PCDH9: variants seen among roughly 807,000 people sequenced by gnomAD.
PCDH9 encodes the protein protocadherin-9.
A neutral mutation model predicts 70.6 loss-of-function variants in PCDH9; 24 were observed. That is an observed-to-expected ratio of 0.34 (90% CI 0.25 to 0.48). PCDH9 has a LOEUF of 0.48. Ranked by LOEUF, PCDH9 falls within the 20% of genes least tolerant of loss-of-function variation. The pLI, the probability that PCDH9 is intolerant of heterozygous loss-of-function variation, is 0.99. For synonymous variants in PCDH9, 562 were observed against 558.5 expected, an observed-to-expected ratio of 1.01 and a Z score of -0.09; for missense variants, 1,281 against 1,503.6, an observed-to-expected ratio of 0.85 and a Z score of 2.45.
chr13:67,035,080 G>C (rs986909174), intron 2 of PCDH9, among the ~76,000 whole-genome samples: 2 of 152,074 alleles, frequency 1.3e-5, no homozygotes, highest in African/African-American at 4.8e-5. Flanking sequence ...GGATTCAATT[G>C]TTATCAAATG....
intron 4 of PCDH9, among the ~76,000 whole-genome samples, chr13:66,308,897 T>TA (rs1955516363): frequency 6.6e-6 from 1 of 151,790 alleles, no homozygotes; most frequent in East Asian, 1.9e-4. Flanking sequence ...CAGCAAAAAA[T>TA]AAAAACAAAA....
chr13:66,444,455 G>A (rs1349594939), intron 4 of PCDH9, among the ~76,000 whole-genome samples: 2 of 152,052 alleles, frequency 1.3e-5, no homozygotes, highest in Non-Finnish European at 1.5e-5. Flanking sequence ...AAGCTTCCAT[G>A]AGGACAAAAA....
chr13:67,163,821 C>G (rs1271135588), intron 2 of PCDH9, among the ~76,000 whole-genome samples: 3 of 152,072 alleles, frequency 2.0e-5, no homozygotes, highest in Admixed American at 6.6e-5. Flanking sequence ...ATCAGGAAAA[C>G]TAACTGTCAA....
chr13:66,923,201 GAATT>G (rs1249223565), intron 2 of PCDH9, among the ~76,000 whole-genome samples: 1 of 151,352 alleles, frequency 6.6e-6, no homozygotes, highest in Admixed American at 6.6e-5. Flanking sequence ...AATTTTCACA[GAATT>G]AATTTATAAA....
chr13:67,051,547 C>A (rs1421161507), intron 2 of PCDH9, among the ~76,000 whole-genome samples: 1 of 151,754 alleles, frequency 6.6e-6, no homozygotes, highest in East Asian at 1.9e-4. Context: ...TGCGTGCCAC[C>A]ACGCCCAGCT....
At chr13:67,043,463 TC>T (rs1447875966) in intron 2 of PCDH9, among the ~76,000 whole-genome samples, 12 of 152,166 alleles carry the variant, frequency 7.9e-5, no homozygotes, top group South Asian at 2.1e-4. Flanking sequence ...AAAGTTTCTT[TC>T]TCTGTGACAA....
intron 3 of PCDH9, among the ~76,000 whole-genome samples, chr13:66,656,590 A>G (rs1221726015): frequency 6.6e-6 from 1 of 151,854 alleles, no homozygotes; most frequent in African/African-American, 2.4e-5. Flanking sequence ...GCACATATTT[A>G]AAGGTACACA....
At chr13:66,499,146 A>G (rs1255478176) in intron 4 of PCDH9, among the ~76,000 whole-genome samples, 1 of 152,088 alleles carries the variant, frequency 6.6e-6, no homozygotes, top group Non-Finnish European at 1.5e-5. Flanking sequence ...TACCCTATGT[A>G]TTTTCAGCTA....
rs143044642 is a variant in PCDH9, at chr13:66,507,698, T to TTTTGTTTG, written c.3340+123504_3340+123511dup. 1.6e-3 allele frequency among the ~76,000 whole-genome samples: 235 copies of TTTTGTTTG among 149,566 alleles called. 4 individuals carry two copies. In the East Asian group the frequency reaches 0.033, roughly 21 times the overall value. ...ACCCCTACCTTGCATTTCCTTTCTT[T>TTTTGTTTG]TTTGTTTGTTTGTTTGTTTGTTTGT... On this transcript the variant is annotated intron_variant, in intron 4 of 4. Coordinates refer to ENST00000377865, the MANE Select transcript of PCDH9 (RefSeq NM_203487.3).
chr13:67,214,935 G>GATATATACATAT (rs2089556929), intron 2 of PCDH9: 1 of 89,248 alleles, frequency 1.1e-5, no homozygotes, highest in African/African-American at 4.5e-5. Flanking sequence ...TTGCGAGCCA[G>GATATATACATAT]ATATATATAT....
At chr13:66,359,594 G>A (rs918644591) in intron 4 of PCDH9, among the ~76,000 whole-genome samples, 2 of 151,960 alleles carry the variant, frequency 1.3e-5, no homozygotes. Context: ...CCATCCTGTC[G>A]GCACAGAAAC....
chr13:66,333,108 C>CCCA (rs773641683), intron 4 of PCDH9, among the ~76,000 whole-genome samples: 62 of 152,124 alleles, frequency 4.1e-4, no homozygotes, highest in Non-Finnish European at 5.3e-4. Context: ...GCAAGGAAGA[C>CCCA]TTTCTTACTA....
intron 4 of PCDH9, among the ~76,000 whole-genome samples, chr13:66,358,913 C>G (rs1035377373): frequency 6.6e-6 from 1 of 151,888 alleles, no homozygotes; most frequent in African/African-American, 2.4e-5. Context: ...ACAAAGCTTC[C>G]CTCCCACTGC....
At chr13:66,517,786 T>C (rs1959807471) in intron 4 of PCDH9, among the ~76,000 whole-genome samples, 1 of 152,158 alleles carries the variant, frequency 6.6e-6, no homozygotes, top group South Asian at 2.1e-4. Flanking sequence ...ATTCTTGATT[T>C]TTTTCCTCTT....
intron 2 of PCDH9, among the ~76,000 whole-genome samples, chr13:67,155,645 G>A (rs947831447): frequency 6.6e-6 from 1 of 151,958 alleles, no homozygotes; most frequent in African/African-American, 2.4e-5. Context: ...GTTTTCTAAG[G>A]AATTAGCAAT....
chr13:66,529,933 A>G (rs1960377921), intron 4 of PCDH9, among the ~76,000 whole-genome samples: 1 of 151,938 alleles, frequency 6.6e-6, no homozygotes, highest in Admixed American at 6.6e-5. Context: ...TTTTCTAGGA[A>G]TTTAATGATC....
intron 2 of PCDH9, among the ~76,000 whole-genome samples, chr13:67,102,543 AC>A (rs1053678677): frequency 6.6e-6 from 1 of 152,184 alleles, no homozygotes; most frequent in Non-Finnish European, 1.5e-5. Context: ...AGAAAAAAAA[AC>A]AGGTTAAATG....
chr13:66,888,348 A>T (rs1423277788), intron 3 of PCDH9, among the ~76,000 whole-genome samples: 1 of 151,972 alleles, frequency 6.6e-6, no homozygotes, highest in African/African-American at 2.4e-5. Context: ...TTTAAAAAAT[A>T]AAAATTAGCT....
chr13:66,760,107 C>T (rs2079600514), intron 3 of PCDH9, among the ~76,000 whole-genome samples: 1 of 152,068 alleles, frequency 6.6e-6, no homozygotes, highest in Non-Finnish European at 1.5e-5. Flanking sequence ...GATAGCTTTG[C>T]AGGATATAGT....
Sources: gnomAD v4.1 joint callset for allele counts (sites outside exome capture counted in the v4.1 genomes callset) on GRCh38, gnomAD v4.1.1 for gene constraint, MANE v1.5 for transcripts, NCBI Gene and HGNC (gene_info 2026-07-23, HGNC 2026-07-21) for gene names.